The following CCDC88C variants were observed in gnomAD, a reference collection of about 807,000 sequenced individuals.
The protein encoded by CCDC88C is protein Daple.
CCDC88C carries 131 observed loss-of-function variants against 198.8 expected under a neutral mutation model. The ratio of observed to expected loss-of-function variants is 0.66; its 90% confidence interval spans 0.57 to 0.76. The LOEUF (loss-of-function observed/expected upper bound fraction) is 0.76, where lower values mean the gene tolerates loss of function less well. Ranked by LOEUF, CCDC88C falls within the 30% of genes least tolerant of loss-of-function variation. CCDC88C has a pLI of 0.00. For missense variants in CCDC88C, 2,553 were observed against 2,631.6 expected, an observed-to-expected ratio of 0.97 and a Z score of 0.65; for synonymous variants, 1,166 against 1,114.7, an observed-to-expected ratio of 1.05 and a Z score of -0.92.
rs1424468061 is a variant in CCDC88C at position 91,273,311 on chromosome 14, A to G, written c.5401T>C (p.Leu1801=). 3.9e-6 allele frequency: 6 copies of G among 1,557,278 alleles called. No individual in the cohort carries two copies. In the Admixed American group the frequency reaches 5.7e-5, roughly 15 times the overall value. ...SHAPASRSAS[L]SRAFSLASAD... is the part of the protein sequence containing the mutation. ...GAGGCCAGGCTGAAGGCCCGGCTCA[A>G]GGAGGCACTGCGGCTGGCAGGTGCA... The change falls in exon 30 of 30, where the codon TTG becomes CTG. Residue 1801 remains leucine, a synonymous_variant. Transcript: ENST00000389857. This position sits in a 1 kb window ranked among gnomAD's most constrained non-coding sequence, Gnocchi z 5.6.
intron 3 of CCDC88C, 143 bp from the exon 4 acceptor site, chr14:91,359,854 G>A (rs1372830987): frequency 4.2e-6 from 3 of 708,508 alleles, no homozygotes; most frequent in Non-Finnish European, 7.6e-6. Context: ...ATGACAGCAA[G>A]GAGCACGTAA....
intron 3 of CCDC88C, among the ~76,000 whole-genome samples, chr14:91,380,704 T>C (rs549011371): frequency 2.6e-5 from 4 of 152,228 alleles, no homozygotes; most frequent in South Asian, 4.1e-4. Flanking sequence ...TTTTCCCCTA[T>C]GTGCCTCTTA....
chr14:91,406,117 C>G (rs1259810075), intron 3 of CCDC88C, among the ~76,000 whole-genome samples: 1 of 152,234 alleles, frequency 6.6e-6, no homozygotes, highest in East Asian at 1.9e-4. Context: ...TTCTGGAACT[C>G]TGCACAGTAC....
At chr14:91,404,472 T>C (rs1465552577) in intron 3 of CCDC88C, among the ~76,000 whole-genome samples, 10 of 152,202 alleles carry the variant, frequency 6.6e-5, no homozygotes, top group Non-Finnish European at 5.9e-5. Context: ...CCCATGGGCA[T>C]GTGCGTCAGA....
chr14:91,293,535 ACGGCC>A lies in CCDC88C; in HGVS notation c.4112+633_4112+637del, dbSNP rs1567055773. Among the ~76,000 whole-genome samples, 104 of 79,198 alleles carry A rather than the reference ACGGCC, an allele frequency of 1.3e-3. 17 individuals carry two copies. Among genetic ancestry groups the A allele is most frequent in the South Asian group, 7.7e-3 (14 of 1,828 alleles). 52.0% of individuals were successfully genotyped at this position (79,198 alleles called of 152,430 possible). ...CTACCTTCCTGTCCCCTCACCTGCCACGGCCCACCTTCCTGTCCCCTCGCCTGCCA... is the reference window on the plus strand; with the variant it reads ...CTACCTTCCTGTCCCCTCACCTGCCACACCTTCCTGTCCCCTCGCCTGCCA... On this transcript the variant is annotated intron_variant, in intron 23 of 29. Coordinates refer to ENST00000389857, the MANE Select transcript of CCDC88C (RefSeq NM_001080414.4).
intron 29 of CCDC88C, among the ~76,000 whole-genome samples, chr14:91,276,164 C>CA (rs1195287100): frequency 6.6e-6 from 1 of 152,198 alleles, no homozygotes; most frequent in Non-Finnish European, 1.5e-5. Flanking sequence ...GCCGCAAGAC[C>CA]ATTATCTGGA....
intron 3 of CCDC88C, among the ~76,000 whole-genome samples, chr14:91,360,290 A>ACACACACACT (rs1367801766): frequency 2.1e-5 from 3 of 140,886 alleles, no homozygotes; most frequent in Non-Finnish European, 4.7e-5. Context: ...ACACACACAC[A>ACACACACACT]CTCTTAAATT....
At chr14:91,378,979 CG>C (rs1871166715) in intron 3 of CCDC88C, 1 of 152,160 alleles carries the variant, frequency 6.6e-6, no homozygotes, top group African/African-American at 2.4e-5. Flanking sequence ...GAAGTTACTC[CG>C]GGATACCCTT....
intron 3 of CCDC88C, among the ~76,000 whole-genome samples, chr14:91,387,455 G>A (rs1289770000): frequency 2.0e-5 from 3 of 152,206 alleles, no homozygotes; most frequent in African/African-American, 4.8e-5. Context: ...AACCACACAC[G>A]ATATAGACAA....
At chr14:91,372,301 G>A (rs989244436) in intron 3 of CCDC88C, among the ~76,000 whole-genome samples, 1 of 151,876 alleles carries the variant, frequency 6.6e-6, no homozygotes, top group Non-Finnish European at 1.5e-5. Context: ...GGCCCAGGGT[G>A]TTTGCTATAG....
chr14:91,327,484 A>T (rs1277829265), intron 10 of CCDC88C, among the ~76,000 whole-genome samples: 1 of 152,200 alleles, frequency 6.6e-6, no homozygotes, highest in Non-Finnish European at 1.5e-5. Context: ...TGGCCCTCAG[A>T]GGGAGGCAGG....
chr14:91,409,957 A>G (rs529950144), intron 2 of CCDC88C, among the ~76,000 whole-genome samples: 4 of 152,350 alleles, frequency 2.6e-5, no homozygotes, highest in African/African-American at 7.2e-5. Context: ...ATGGCACTCT[A>G]TGGTGTACAA....
chr14:91,401,744 G>T (rs1209088330), intron 3 of CCDC88C, among the ~76,000 whole-genome samples: 1 of 152,122 alleles, frequency 6.6e-6, no homozygotes, highest in Non-Finnish European at 1.5e-5. Flanking sequence ...AGTCAAAAGT[G>T]GAGAAACTAA....
chr14:91,329,496 T>C (rs1892721660), intron 10 of CCDC88C, among the ~76,000 whole-genome samples: 1 of 151,918 alleles, frequency 6.6e-6, no homozygotes, highest in Non-Finnish European at 1.5e-5. Context: ...CTCCTAGGAG[T>C]ACCCCTCTTG....
chr14:91,341,685 G>A (rs75606357), intron 6 of CCDC88C, among the ~76,000 whole-genome samples: 15 of 152,340 alleles, frequency 9.8e-5, no homozygotes, highest in African/African-American at 3.6e-4. Context: ...TGGAAGTGGA[G>A]GTCAGGAAAG....
chr14:91,379,520 C>A (rs1482497982), intron 3 of CCDC88C: 1 of 427,126 alleles, frequency 2.3e-6, no homozygotes, highest in Non-Finnish European at 4.3e-6. Context: ...TGTGCTGTTG[C>A]AAGGTCTTCT....
At chr14:91,379,757 C>G in intron 3 of CCDC88C, 1 of 692,382 alleles carries the variant, frequency 1.4e-6, no homozygotes, top group Middle Eastern at 2.4e-4. Context: ...AGCCACACCC[C>G]GTGCCCGGGC....
At position 91,293,427 on chromosome 14, in the gene CCDC88C, C is replaced by T. The variant is rs1333303253; in HGVS notation, c.4112+746G>A. On this transcript the variant is annotated intron_variant, in intron 23 of 29. Transcript: ENST00000389857. The stretch of plus-strand genomic sequence containing the variant: ...TCCTGCCCCCTCACCTGCCACGGCC[C>T]ACCTTCCCGTCCTCACCTGCCACGG... Among the ~76,000 whole-genome samples, 41 of 143,466 alleles carry T rather than the reference C, an allele frequency of 2.9e-4. 3 individuals carry two copies. Among genetic ancestry groups the T allele is most frequent in the Non-Finnish European group, 4.7e-4 (30 of 64,108 alleles). 94.1% of individuals were successfully genotyped at this position (143,466 alleles called of 152,430 possible).
Position 91,399,110 on chromosome 14 carries a change from C to G in CCDC88C, c.270+9549G>C, listed in dbSNP as rs574884058. Among the ~76,000 whole-genome samples the G allele has an allele frequency of 4.9e-4, 75 of 152,310 alleles. 2 individuals carry two copies. The South Asian group carries it at 0.015, about 31-fold the overall frequency. On this transcript the variant is annotated intron_variant, in intron 3 of 29. Coordinates refer to ENST00000389857, the MANE Select transcript of CCDC88C (RefSeq NM_001080414.4). ...TCCCATGTGCTCTGCCCAGCCCTAA[C>G]CCTGGGGCCTGCTCCCACCTCCTTG...
Sources: gnomAD v4.1 joint callset for allele counts (sites outside exome capture counted in the v4.1 genomes callset) on GRCh38, gnomAD v4.1.1 for gene constraint, Gnocchi (gnomAD v3.1) non-coding constraint, MANE v1.5 for transcripts, NCBI Gene and HGNC (gene_info 2026-07-23, HGNC 2026-07-21) for gene names.